Variants in APBA2 observed in about 807,000 individuals in gnomAD.
APBA2 encodes amyloid beta precursor protein binding family A member 2, also known as amyloid-beta A4 precursor protein-binding family A member 2.
APBA2 carries 30 observed loss-of-function variants against 75.0 expected under a neutral mutation model. The ratio of observed to expected loss-of-function variants is 0.40; its 90% confidence interval spans 0.30 to 0.54. APBA2 has a LOEUF of 0.54. APBA2 is among the 20% of genes least tolerant of loss of function. The pLI is 0.49. For synonymous variants in APBA2, 444 were observed against 409.6 expected (o/e 1.08, Z -1.01); for missense variants, 801 against 1,016.1 (o/e 0.79, Z 2.88).
chr15:28,983,406 A>G (rs1174106513), intron 2 of APBA2, among the ~76,000 whole-genome samples: 2 of 152,256 alleles, frequency 1.3e-5, no homozygotes, highest in South Asian at 2.1e-4. Flanking sequence ...AGGACACCAG[A>G]GTCCTGTTCT....
intron 2 of APBA2, among the ~76,000 whole-genome samples, chr15:28,950,537 G>C (rs1050936342): frequency 2.0e-5 from 3 of 151,690 alleles, no homozygotes; most frequent in Admixed American, 6.6e-5. Flanking sequence ...TGAGGCAGGA[G>C]AATGGCGTGA....
chr15:29,017,451 C>T (rs937460629), intron 3 of APBA2, among the ~76,000 whole-genome samples: 61 of 133,978 alleles, frequency 4.6e-4, no homozygotes, highest in African/African-American at 1.8e-3. Context: ...CCCACTGCAA[C>T]CTCCACCTCC....
At position 29,034,761 on chromosome 15, in the gene APBA2, A is replaced by C. The variant is rs80075362; in HGVS notation, c.-40-19084A>C. Among the ~76,000 whole-genome samples the C allele has an allele frequency of 2.6e-3, 400 of 152,276 alleles. 2 individuals are homozygous for C. The highest frequency in any genetic ancestry group is 9.1e-3 in the African/African-American group (380 of 41,544). On this transcript the variant is annotated intron_variant, in intron 3 of 14. Coordinates refer to ENST00000683413, the MANE Select transcript of APBA2 (RefSeq NM_001353788.2). ...CATCAGAATCCCCTGGAGATCTTTT[A>C]ACATGCAGACTTCAGGGTCCTGCCC...
chr15:28,962,300 G>T (rs1345155507), intron 2 of APBA2, among the ~76,000 whole-genome samples: 2 of 151,902 alleles, frequency 1.3e-5, no homozygotes, highest in Non-Finnish European at 2.9e-5. Context: ...GGCTGGGCGC[G>T]GTGGCTCACG....
chr15:28,910,940 C>T (rs1442757052), intron 1 of APBA2, among the ~76,000 whole-genome samples: 2 of 152,118 alleles, frequency 1.3e-5, no homozygotes, highest in Admixed American at 6.6e-5. Context: ...ACCTCAATTT[C>T]ATACGGTGTT....
At chr15:29,031,466 C>T (rs1260408781) in intron 3 of APBA2, among the ~76,000 whole-genome samples, 1 of 151,978 alleles carries the variant, frequency 6.6e-6, no homozygotes, top group Non-Finnish European at 1.5e-5. Context: ...CTCTGTGTAC[C>T]CCAATTTATC....
chr15:28,969,876 C>G (rs1213687237), intron 2 of APBA2, among the ~76,000 whole-genome samples: 1 of 152,242 alleles, frequency 6.6e-6, no homozygotes, highest in Non-Finnish European at 1.5e-5. Flanking sequence ...GTGGCGCCTA[C>G]TCATGGAGCC....
chr15:29,004,376 T>C (rs1230080091), intron 3 of APBA2, among the ~76,000 whole-genome samples: 1 of 152,162 alleles, frequency 6.6e-6, no homozygotes, highest in Non-Finnish European at 1.5e-5. Flanking sequence ...CTGGGGACAA[T>C]TTTGTCAGAA....
At chr15:28,932,130 G>A (rs887268644) in intron 2 of APBA2, among the ~76,000 whole-genome samples, 3 of 152,202 alleles carry the variant, frequency 2.0e-5, no homozygotes, top group African/African-American at 7.2e-5. Context: ...GTCCTTGGGA[G>A]GGGAAGGGAG....
At chr15:29,094,208 G>C in intron 7 of APBA2, 70 bp from the exon 8 acceptor site, 1 of 1,561,318 alleles carries the variant, frequency 6.4e-7, no homozygotes, top group Non-Finnish European at 8.8e-7. Context: ...AACCACCAAA[G>C]TGACATAACC....
chr15:28,964,128 T>C (rs2036614634), intron 2 of APBA2, among the ~76,000 whole-genome samples: 2 of 152,258 alleles, frequency 1.3e-5, no homozygotes, highest in Non-Finnish European at 2.9e-5. Flanking sequence ...GAACATTCAC[T>C]TACAAGTTTC....
chr15:28,972,372 C>T (rs183798809), intron 2 of APBA2, among the ~76,000 whole-genome samples: 25 of 152,174 alleles, frequency 1.6e-4, no homozygotes, highest in African/African-American at 5.5e-4. Context: ...ACTGCCATTC[C>T]GGGAATGGTT....
At chr15:28,987,727 G>GATATATATATATATATATAT (rs1252518408) in intron 2 of APBA2, among the ~76,000 whole-genome samples, 7 of 115,090 alleles carry the variant, frequency 6.1e-5, no homozygotes, top group Admixed American at 1.8e-4. Flanking sequence ...TATGTGGAGA[G>GATATATATATATATATATAT]AGATATATAT....
chr15:29,088,818 C>T (rs74368628), intron 6 of APBA2, among the ~76,000 whole-genome samples: 8,685 of 152,278 alleles, frequency 0.057, 619 homozygotes, highest in African/African-American at 0.16. Context: ...CGCTTCCTCC[C>T]CACCCTCGAC....
At chr15:29,032,477 A>G (rs2040538077) in intron 3 of APBA2, among the ~76,000 whole-genome samples, 1 of 152,214 alleles carries the variant, frequency 6.6e-6, no homozygotes, top group South Asian at 2.1e-4. Flanking sequence ...TGCAGATTTC[A>G]GATTTGCCAG....
intron 6 of APBA2, among the ~76,000 whole-genome samples, chr15:29,081,925 G>A (rs768189368): frequency 6.6e-6 from 1 of 152,246 alleles, no homozygotes; most frequent in Non-Finnish European, 1.5e-5. Flanking sequence ...CAGGCCAGGA[G>A]CACAGCAACT....
chr15:28,972,193 A>G (rs57559880), intron 2 of APBA2, among the ~76,000 whole-genome samples: 25,571 of 152,180 alleles, frequency 0.17, 5,020 homozygotes, highest in African/African-American at 0.48. Flanking sequence ...AAGAAATAGA[A>G]AAGATCAAAA....
chr15:29,030,851 G>A (rs1487604931), intron 3 of APBA2, among the ~76,000 whole-genome samples: 1 of 151,618 alleles, frequency 6.6e-6, no homozygotes, highest in African/African-American at 2.4e-5. Flanking sequence ...TCTCATTTTT[G>A]TCTGGTTAAT....
At chr15:29,091,732 C>T (rs543898134) in intron 6 of APBA2, among the ~76,000 whole-genome samples, 8 of 152,236 alleles carry the variant, frequency 5.3e-5, no homozygotes, top group South Asian at 2.1e-4. Flanking sequence ...TGGATGGCAG[C>T]GCCCAAGCTG....
Sources: allele counts gnomAD v4.1 joint callset (sites outside exome capture counted in the v4.1 genomes callset), GRCh38; gene constraint gnomAD v4.1.1; transcripts MANE v1.5; gene names NCBI Gene and HGNC (gene_info 2026-07-23, HGNC 2026-07-21).